SNX29: variants seen among roughly 807,000 people sequenced by gnomAD.
SNX29 encodes the protein sorting nexin-29.
A neutral mutation model predicts 102.1 loss-of-function variants in SNX29; 78 were observed. The ratio of observed to expected loss-of-function variants is 0.76; its 90% CI spans 0.64 to 0.92. SNX29 has a LOEUF of 0.92. Among genes scored for constraint, SNX29 ranks in the 40% least tolerant of loss-of-function variants. The pLI, the probability that SNX29 is intolerant of heterozygous loss-of-function variation, is 0.00. For missense variants in SNX29, 1,280 were observed against 1,061.7 expected (o/e 1.21, Z -2.86); for synonymous variants, 580 against 414.5 (o/e 1.40, Z -4.85).
In SNX29 at chr16:12,063,615, G is replaced by A. The variant is rs1001830561; in HGVS notation, c.1243+1969G>A. On this transcript the variant is annotated intron_variant, in intron 9 of 20. Transcript: ENST00000566228. ...ACTGATCTCAAACTCCTGACCTCAC[G>A]TGATCCACCTCCTTGGCCTCCCACA... Among the ~76,000 whole-genome samples the A allele has an allele frequency of 3.9e-5, 6 of 151,904 alleles. No individual in the cohort carries two copies. In the South Asian group the frequency reaches 6.2e-4, roughly 16 times the overall value.
intron 18 of SNX29, among the ~76,000 whole-genome samples, chr16:12,445,819 C>T (rs550313623): frequency 5.9e-5 from 9 of 152,190 alleles, no homozygotes; most frequent in South Asian, 4.2e-4. Context: ...ATTCAAGCCT[C>T]GGGACAACGC....
At chr16:12,322,993 C>T (rs879599298) in intron 15 of SNX29, among the ~76,000 whole-genome samples, 16 of 50,386 alleles carry the variant, frequency 3.2e-4, no homozygotes, top group African/African-American at 9.8e-4. Context: ...CTGGAGTCAC[C>T]GGGGACCACT....
At chr16:12,430,204 C>A (rs116567775) in intron 18 of SNX29, among the ~76,000 whole-genome samples, 2,351 of 152,364 alleles carry the variant, frequency 0.015, 66 homozygotes, top group African/African-American at 0.053. Flanking sequence ...CAGTTCCCCC[C>A]CCAGCCCCAG....
chr16:12,036,289 A>G (rs2057469460), intron 4 of SNX29, among the ~76,000 whole-genome samples: 2 of 135,760 alleles, frequency 1.5e-5, no homozygotes, highest in Non-Finnish European at 3.2e-5. Context: ...GGTTCTTACT[A>G]TGTTGCCCAG....
At chr16:12,486,060 A>C (rs966194363) in intron 19 of SNX29, among the ~76,000 whole-genome samples, 1 of 152,244 alleles carries the variant, frequency 6.6e-6, no homozygotes, top group African/African-American at 2.4e-5. Context: ...TGAAGGCGTC[A>C]GCGAGGCTGC....
intron 10 of SNX29, among the ~76,000 whole-genome samples, chr16:12,071,937 T>C (rs942921210): frequency 6.6e-6 from 1 of 152,214 alleles, no homozygotes; most frequent in African/African-American, 2.4e-5. Context: ...GAAGCAATTG[T>C]GAATGGGAGT....
rs1270550705 is a variant in SNX29, at chr16:12,096,295, T to C, written c.1402+17380T>C. Among the ~76,000 whole-genome samples, 1 of 152,222 alleles carries C rather than the reference T, an allele frequency of 6.6e-6. No individual in the cohort carries two copies. Among genetic ancestry groups the C allele is most frequent in the East Asian group, 1.9e-4 (1 of 5,194 alleles). ...GTTCCAGATGGCATTTAGACATGCC[T>C]CACTTCTTTATCATCTGTTTATTCA... On this transcript the variant is annotated intron_variant, in intron 11 of 20. Coordinates refer to ENST00000566228, the MANE Select transcript of SNX29 (RefSeq NM_032167.5). This position sits in a 1 kb window ranked among gnomAD's most constrained non-coding sequence, Gnocchi z 4.2.
chr16:12,100,324 A>G (rs947936151), intron 11 of SNX29, among the ~76,000 whole-genome samples: 5 of 152,106 alleles, frequency 3.3e-5, no homozygotes, highest in Non-Finnish European at 7.4e-5. Context: ...TCTACGCACT[A>G]GTTGCTGGTA....
chr16:12,532,376 A>G (rs560077904), intron 20 of SNX29, among the ~76,000 whole-genome samples: 3 of 152,338 alleles, frequency 2.0e-5, no homozygotes, highest in South Asian at 2.1e-4. Flanking sequence ...AGCTCCCAGC[A>G]GCGTTCACTT....
chr16:12,110,766 A>G (rs1394482797), intron 11 of SNX29, among the ~76,000 whole-genome samples: 2 of 152,124 alleles, frequency 1.3e-5, no homozygotes, highest in Non-Finnish European at 2.9e-5. Context: ...CCCTTTTAAG[A>G]CAGTGTGGTG....
intron 18 of SNX29, among the ~76,000 whole-genome samples, chr16:12,414,918 T>G (rs1461429499): frequency 6.6e-6 from 1 of 152,204 alleles, no homozygotes; most frequent in Non-Finnish European, 1.5e-5. Context: ...AGATGGGGTT[T>G]CACCATGTTG....
At chr16:12,150,694 G>A (rs1000807681) in intron 13 of SNX29, among the ~76,000 whole-genome samples, 1 of 152,190 alleles carries the variant, frequency 6.6e-6, no homozygotes, top group African/African-American at 2.4e-5. Flanking sequence ...TAATTGCCAC[G>A]GTCACAGTAT....
intron 14 of SNX29, among the ~76,000 whole-genome samples, chr16:12,222,571 G>A (rs2077505950): frequency 6.6e-6 from 1 of 152,078 alleles, no homozygotes. Flanking sequence ...TTTGCAGAGT[G>A]CTGTCTTTTT....
At chr16:12,117,693 A>G (rs11646539) in intron 11 of SNX29, among the ~76,000 whole-genome samples, 35,639 of 152,160 alleles carry the variant, frequency 0.23, 4,230 homozygotes, top group Middle Eastern at 0.31. Context: ...ACTGGATAGT[A>G]GTGATGGTTG....
intron 18 of SNX29, among the ~76,000 whole-genome samples, chr16:12,453,257 G>A (rs141147869): frequency 2.0e-5 from 3 of 152,156 alleles, no homozygotes; most frequent in African/African-American, 7.2e-5. Flanking sequence ...CTTTCTCATC[G>A]AACTCAGATG....
At chr16:12,494,858 A>G (rs897933435) in intron 19 of SNX29, among the ~76,000 whole-genome samples, 3 of 152,240 alleles carry the variant, frequency 2.0e-5, no homozygotes, top group Non-Finnish European at 2.9e-5. Flanking sequence ...CTATCCGCAG[A>G]AAATAAACTA....
intron 1 of SNX29, 54 bp from the exon 2 acceptor site, chr16:11,999,243 G>A: frequency 6.4e-7 from 1 of 1,557,110 alleles, no homozygotes; most frequent in Non-Finnish European, 8.8e-7. Flanking sequence ...ATCTAGTTGG[G>A]GACAGCCGTG....
At chr16:12,180,733 C>A (rs2076365063) in intron 13 of SNX29, among the ~76,000 whole-genome samples, 1 of 152,168 alleles carries the variant, frequency 6.6e-6, no homozygotes, top group Non-Finnish European at 1.5e-5. Flanking sequence ...GATCCACCGG[C>A]CTCGGCCTCC....
intron 11 of SNX29, among the ~76,000 whole-genome samples, chr16:12,105,726 C>T (rs970139043): frequency 6.6e-6 from 1 of 152,204 alleles, no homozygotes; most frequent in Non-Finnish European, 1.5e-5. Context: ...TTCTCTCCTC[C>T]TGCCCCAGAA....
Sources: gnomAD v4.1 joint callset for allele counts (sites outside exome capture counted in the v4.1 genomes callset) on GRCh38, gnomAD v4.1.1 for gene constraint, Gnocchi (gnomAD v3.1) non-coding constraint, MANE v1.5 for transcripts, NCBI Gene and HGNC (gene_info 2026-07-23, HGNC 2026-07-21) for gene names.